The following CDC42 variants were observed in gnomAD, a reference collection of about 807,000 sequenced individuals.
CDC42 encodes cell division cycle 42.
CDC42 carries 1 observed loss-of-function variant against 20.8 expected under a neutral mutation model. The ratio of observed to expected loss-of-function variants is 0.05; its 90% CI spans 0.02 to 0.23. The LOEUF (loss-of-function observed/expected upper bound fraction) is 0.23, where lower values mean the gene tolerates loss of function less well. Among genes scored for constraint, CDC42 ranks in the 10% least tolerant of loss-of-function variants. The pLI is 1.00. For synonymous variants in CDC42, 72 were observed against 84.8 expected (o/e 0.85, Z 0.83); for missense variants, 49 against 227.9 (o/e 0.21, Z 5.05).
chr1:22,060,909 A>T (rs182379656), intron 1 of CDC42, among the ~76,000 whole-genome samples: 2 of 152,260 alleles, frequency 1.3e-5, no homozygotes, highest in East Asian at 1.9e-4. Flanking sequence ...AGTTCTATGG[A>T]TATCAGTGTT....
At chr1:22,080,203 A>C (rs1645593782) in intron 2 of CDC42, among the ~76,000 whole-genome samples, 1 of 152,238 alleles carries the variant, frequency 6.6e-6, no homozygotes, top group African/African-American at 2.4e-5. Context: ...TTAATTACTT[A>C]GCGTAATTAC....
At position 22,094,585 on chromosome 1, in the gene CDC42, C is replaced by A. The variant is rs1408658927; in HGVS notation, c.*3068C>A. 6.7e-6 allele frequency among the ~76,000 whole-genome samples: 1 copy of A among 148,690 alleles called. No homozygotes were observed. The highest frequency in any genetic ancestry group is 1.5e-5 in the Non-Finnish European group (1 of 67,984). On this transcript the variant is annotated 3_prime_UTR_variant, in exon 6 of 6. Coordinates refer to ENST00000656825, the MANE Select transcript of CDC42 (RefSeq NM_001791.4). Reference sequence around the variant, plus strand: ...GTGCTGGGATTACAGGCGTGAGCCACCGCGCCCGGCCAGAAATAGATTTTA... The same window carrying A: ...GTGCTGGGATTACAGGCGTGAGCCAACGCGCCCGGCCAGAAATAGATTTTA...
chr1:22,088,041 G>A (rs1256669627), intron 5 of CDC42, among the ~76,000 whole-genome samples: 2 of 152,170 alleles, frequency 1.3e-5, no homozygotes, highest in East Asian at 3.8e-4. Flanking sequence ...TTTTTGGGCA[G>A]TTTAGTGCTA....
At position 22,093,528 on chromosome 1, in the gene CDC42, C is replaced by G. The variant is rs1387477325; in HGVS notation, c.*2011C>G. ...ACATTATACTGATCTGCATGAGAATCTTAGAAACTAAGAACCCTTAAAATC... is the reference window on the plus strand; with the variant it reads ...ACATTATACTGATCTGCATGAGAATGTTAGAAACTAAGAACCCTTAAAATC... On this transcript the variant is annotated 3_prime_UTR_variant, in exon 6 of 6. Coordinates refer to ENST00000656825, the MANE Select transcript of CDC42 (RefSeq NM_001791.4). Among the ~76,000 whole-genome samples the G allele has an allele frequency of 3.9e-5, 6 of 152,156 alleles. No homozygotes were observed. The highest frequency in any genetic ancestry group is 1.3e-4 in the Admixed American group (2 of 15,282).
chr1:22,066,703 G>T (rs1353030887), intron 1 of CDC42, among the ~76,000 whole-genome samples: 3 of 146,822 alleles, frequency 2.0e-5, no homozygotes, highest in African/African-American at 5.0e-5. Flanking sequence ...ATGATGATTC[G>T]AGCTGAGATC....
chr1:22,088,489 G>C (rs1645684927), intron 5 of CDC42, among the ~76,000 whole-genome samples: 1 of 152,186 alleles, frequency 6.6e-6, no homozygotes, highest in African/African-American at 2.4e-5. Flanking sequence ...GTATGGAGAA[G>C]TCAAAAGAGG....
intron 5 of CDC42, among the ~76,000 whole-genome samples, chr1:22,088,362 G>A (rs763186332): frequency 6.6e-6 from 1 of 152,148 alleles, no homozygotes; most frequent in African/African-American, 2.4e-5. Flanking sequence ...TTAGATAATT[G>A]GATGCTTTTA....
chr1:22,066,821 T>C (rs1356167893), intron 1 of CDC42, among the ~76,000 whole-genome samples: 2 of 152,126 alleles, frequency 1.3e-5, no homozygotes, highest in Admixed American at 6.6e-5. Context: ...TCCAGAACTT[T>C]GGGAGGCCGA....
rs1313452993 is a variant in CDC42, at chr1:22,100,601, G to A, written c.*9084G>A. 2 of 152,204 alleles carry A rather than the reference G, an allele frequency of 1.3e-5. No homozygotes were observed. Among genetic ancestry groups the A allele is most frequent in the Admixed American group, 6.5e-5 (1 of 15,276 alleles). 9.4% of individuals were successfully genotyped at this position (152,204 alleles called of 1,614,324 possible). On this transcript the variant is annotated 3_prime_UTR_variant, in exon 6 of 6. Transcript: ENST00000656825. ...TAGCATAGTGCCTGGCAAGTAGAAG[G>A]TACTCATCTGTGAATGGGGTAGATA...
chr1:22,091,540 G>A lies in CDC42; in HGVS notation c.*23G>A, dbSNP rs375557992. 82 of 1,492,840 alleles carry A rather than the reference G, an allele frequency of 5.5e-5. No individual in the cohort carries two copies. Among genetic ancestry groups the A allele is most frequent in the Non-Finnish European group, 7.4e-5 (80 of 1,077,536 alleles). 92.5% of individuals were successfully genotyped at this position (1,492,840 alleles called of 1,614,324 possible). A position where few individuals can be genotyped will look rare whatever the true frequency, so the allele number is the denominator to read the frequency against. On this transcript the variant is annotated 3_prime_UTR_variant, in exon 6 of 6. Coordinates refer to ENST00000656825, the MANE Select transcript of CDC42 (RefSeq NM_001791.4). The stretch of plus-strand genomic sequence containing the variant: ...TGAACATCTCTCCAGAGCCCTTTCT[G>A]CACAGCTGGTGTCGGCATCATACTA...
rs188717546 is a variant in CDC42, at chr1:22,055,211, G to C, written c.-51+2469G>C. Among the ~76,000 whole-genome samples the C allele has an allele frequency of 9.5e-3, 1,434 of 151,072 alleles. 21 individuals are homozygous for C. Among genetic ancestry groups the C allele is most frequent in the African/African-American group, 0.033 (1,350 of 41,210 alleles). Reference sequence around the variant, plus strand: ...CTCGTGATCCGCCCGCCTCGTCCCCGCAAAGTGCTGAGATTACAGGCGTGA... The same window carrying C: ...CTCGTGATCCGCCCGCCTCGTCCCCCCAAAGTGCTGAGATTACAGGCGTGA... On this transcript the variant is annotated intron_variant, in intron 1 of 5. Coordinates refer to ENST00000656825, the MANE Select transcript of CDC42 (RefSeq NM_001791.4).
intron 1 of CDC42, chr1:22,068,746 T>C (rs568348578): frequency 6.6e-6 from 1 of 152,436 alleles, no homozygotes; most frequent in East Asian, 1.9e-4. Context: ...AGTCATTTCT[T>C]AGTTTCTGAG....
At position 22,093,989 on chromosome 1, in the gene CDC42, A is replaced by G. The variant is rs1161144133; in HGVS notation, c.*2472A>G. 6.6e-6 allele frequency among the ~76,000 whole-genome samples: 1 copy of G among 152,228 alleles called. No individual in the cohort carries two copies. The highest frequency in any genetic ancestry group is 1.5e-5 in the Non-Finnish European group (1 of 68,038). On this transcript the variant is annotated 3_prime_UTR_variant, in exon 6 of 6. Coordinates refer to ENST00000656825, the MANE Select transcript of CDC42 (RefSeq NM_001791.4). Reference sequence around the variant, plus strand: ...AGAAGAACAAGGATGATGGGGATTGATTGAAGCTAATGTTTTCTTAAATAT... The same window carrying G: ...AGAAGAACAAGGATGATGGGGATTGGTTGAAGCTAATGTTTTCTTAAATAT...
Position 22,086,956 on chromosome 1 carries a change from CA to C in CDC42, c.486+91del, listed in dbSNP as rs1436833386. 50 of 1,083,356 alleles carry C rather than the reference CA, an allele frequency of 4.6e-5. No individual in the cohort carries two copies. The African/African-American group carries it at 6.7e-4, about 14-fold the overall frequency. The allele number at this position is 1,083,356 out of a possible 1,614,324, so 67.1% of individuals were successfully genotyped here. Reference sequence around the variant, plus strand: ...AGGAGTTATTTCTAACAGTGATCAGCAGTGCTCAAAGATGCCCAGCAAGAAT... The same window carrying C: ...AGGAGTTATTTCTAACAGTGATCAGCGTGCTCAAAGATGCCCAGCAAGAAT... On this transcript the variant is annotated intron_variant, in intron 5 of 5. Transcript: ENST00000656825.
At chr1:22,090,833 G>T (rs772442744) in intron 5 of CDC42, 8 of 983,306 alleles carry the variant, frequency 8.1e-6, no homozygotes, top group Non-Finnish European at 9.7e-6. Context: ...TATTCCTGTT[G>T]CACTGACTGG....
intron 1 of CDC42, among the ~76,000 whole-genome samples, chr1:22,077,700 A>G (rs545186562): frequency 6.6e-6 from 1 of 152,366 alleles, no homozygotes; most frequent in East Asian, 1.9e-4. Flanking sequence ...GAAAAAAAGC[A>G]TCTCAAATTA....
At chr1:22,081,901 T>C (rs1289484611) in intron 3 of CDC42, 107 bp downstream of exon 3, 1 of 708,734 alleles carries the variant, frequency 1.4e-6, no homozygotes, top group African/African-American at 1.8e-5. Flanking sequence ...TACTTGCCTT[T>C]TGTTATTAGT....
chr1:22,070,052 T>C (rs1645468300), intron 1 of CDC42, among the ~76,000 whole-genome samples: 1 of 152,206 alleles, frequency 6.6e-6, no homozygotes, highest in South Asian at 2.1e-4. Flanking sequence ...CTTCTCAAAG[T>C]GCTGGGATTG....
At chr1:22,055,318 C>T (rs925159968) in intron 1 of CDC42, among the ~76,000 whole-genome samples, 1 of 149,298 alleles carries the variant, frequency 6.7e-6, no homozygotes. Context: ...ATTGAATGAG[C>T]TCGTTTTCAG....
Sources: allele counts gnomAD v4.1 joint callset (sites outside exome capture counted in the v4.1 genomes callset), GRCh38; gene constraint gnomAD v4.1.1; transcripts MANE v1.5; gene names NCBI Gene and HGNC (gene_info 2026-07-23, HGNC 2026-07-21).